Variants in MAF observed in about 807,000 individuals in gnomAD.
MAF encodes the protein transcription factor Maf.
In MAF, 10 loss-of-function variants were observed where a neutral mutation model predicts 22.0. The ratio of observed to expected loss-of-function variants is 0.45; its 90% confidence interval spans 0.28 to 0.77. MAF has a LOEUF of 0.77. Among genes scored for constraint, MAF ranks in the 30% least tolerant of loss-of-function variants. The pLI is 0.12. For synonymous variants in MAF, 337 were observed against 255.8 expected, an observed-to-expected ratio of 1.32 and a Z score of -3.03; for missense variants, 544 against 548.4, an observed-to-expected ratio of 0.99 and a Z score of 0.08.
chr16:79,438,069 C>A, the MAF span, among the ~76,000 whole-genome samples: 1 of 152,038 alleles, frequency 6.6e-6, no homozygotes, highest in Non-Finnish European at 1.5e-5. Context: ...CTTAGAGACG[C>A]CAGGTCTGAG....
At chr16:79,563,682 C>G in the MAF span, among the ~76,000 whole-genome samples, 1 of 151,762 alleles carries the variant, frequency 6.6e-6, no homozygotes, top group Non-Finnish European at 1.5e-5. Context: ...TAAAATGTGG[C>G]TTACATTATA....
chr16:79,568,397 TG>T, the MAF span, among the ~76,000 whole-genome samples: 3 of 152,144 alleles, frequency 2.0e-5, no homozygotes, highest in Non-Finnish European at 2.9e-5. Context: ...ATCTGGAAAA[TG>T]GGAAGGCCTG....
the MAF span, among the ~76,000 whole-genome samples, chr16:79,493,713 C>A: frequency 2.0e-5 from 3 of 152,228 alleles, no homozygotes; most frequent in Non-Finnish European, 2.9e-5. Flanking sequence ...GAGCTAATGA[C>A]AGCCACCTCA....
At chr16:79,540,733 A>G in the MAF span, among the ~76,000 whole-genome samples, 1 of 152,240 alleles carries the variant, frequency 6.6e-6, no homozygotes, top group East Asian at 1.9e-4. Context: ...GGCTGGAAAT[A>G]AACAATTCAG....
chr16:79,394,835 G>A, the MAF span, among the ~76,000 whole-genome samples: 1 of 152,058 alleles, frequency 6.6e-6, no homozygotes, highest in Admixed American at 6.5e-5. Context: ...CTGAGTTTGG[G>A]AACCACTGTC....
the MAF span, among the ~76,000 whole-genome samples, chr16:79,402,556 G>A: frequency 6.6e-6 from 1 of 152,224 alleles, no homozygotes; most frequent in East Asian, 1.9e-4. Context: ...GGTGGGGCCT[G>A]GCCTACCTCC....
the MAF span, among the ~76,000 whole-genome samples, chr16:79,234,709 C>T: frequency 6.6e-6 from 1 of 152,036 alleles, no homozygotes; most frequent in African/African-American, 2.4e-5. Context: ...TTTAGATCAT[C>T]CAGGAAAGGG....
At chr16:79,543,988 G>A in the MAF span, among the ~76,000 whole-genome samples, 8 of 151,988 alleles carry the variant, frequency 5.3e-5, no homozygotes, top group Non-Finnish European at 1.2e-4. Context: ...ACCTGGCCCA[G>A]GCCCTCTTTT....
the MAF span, among the ~76,000 whole-genome samples, chr16:79,528,046 G>A: frequency 6.6e-6 from 1 of 152,122 alleles, no homozygotes; most frequent in African/African-American, 2.4e-5. Context: ...AGGAGGCTGA[G>A]CAGGAGAATC....
chr16:79,410,899 C>A, the MAF span, among the ~76,000 whole-genome samples: 180 of 152,274 alleles, frequency 1.2e-3, 1 homozygote, highest in Non-Finnish European at 1.6e-4. Flanking sequence ...GAGGTGGATA[C>A]CTGACAATGA....
the MAF span, among the ~76,000 whole-genome samples, chr16:79,231,655 T>C: frequency 7.2e-5 from 11 of 152,048 alleles, no homozygotes; most frequent in Non-Finnish European, 1.5e-4. Context: ...ATTACAAAGG[T>C]GTTAAGATAA....
the MAF span, among the ~76,000 whole-genome samples, chr16:79,484,292 G>C: frequency 1.3e-5 from 2 of 152,160 alleles, no homozygotes; most frequent in African/African-American, 4.8e-5. Flanking sequence ...GCGTGACAAG[G>C]CTGGTGTGAC....
the MAF span, among the ~76,000 whole-genome samples, chr16:79,521,176 C>A: frequency 6.6e-6 from 1 of 152,188 alleles, no homozygotes; most frequent in Non-Finnish European, 1.5e-5. Context: ...ATCTTATGCT[C>A]AAGTGACTGG....
At chr16:79,277,440 T>C in the MAF span, among the ~76,000 whole-genome samples, 1 of 152,264 alleles carries the variant, frequency 6.6e-6, no homozygotes, top group South Asian at 2.1e-4. Context: ...AATTGCTGCA[T>C]CTGTAGGCTA....
chr16:79,590,171 TG>T (rs1157823061), downstream of MAF, among the ~76,000 whole-genome samples: 1 of 149,236 alleles, frequency 6.7e-6, no homozygotes, highest in Admixed American at 6.6e-5. Context: ...CATAAAGGAC[TG>T]GGATGCGGTG....
At chr16:79,335,592 T>C in the MAF span, among the ~76,000 whole-genome samples, 74 of 152,054 alleles carry the variant, frequency 4.9e-4, no homozygotes, top group Non-Finnish European at 8.5e-4. Context: ...ACAGAAAGTC[T>C]GTGAGACAGA....
the MAF span, among the ~76,000 whole-genome samples, chr16:79,439,528 G>A: frequency 3.8e-4 from 58 of 152,148 alleles, no homozygotes; most frequent in East Asian, 9.7e-3. Flanking sequence ...CCAAAGTGCC[G>A]GGATTACAGG....
the MAF span, among the ~76,000 whole-genome samples, chr16:79,552,846 A>G: frequency 6.6e-6 from 1 of 152,226 alleles, no homozygotes; most frequent in South Asian, 2.1e-4. Flanking sequence ...GTAAATGTTG[A>G]CACATGAGAG....
the MAF span, among the ~76,000 whole-genome samples, chr16:79,329,368 A>C: frequency 6.6e-6 from 1 of 152,150 alleles, no homozygotes; most frequent in Non-Finnish European, 1.5e-5. Context: ...TTGCTTCCAG[A>C]AAGCTTTATA....
Sources: gnomAD v4.1 joint callset for allele counts (sites outside exome capture counted in the v4.1 genomes callset) on GRCh38, gnomAD v4.1.1 for gene constraint, MANE v1.5 for transcripts, NCBI Gene and HGNC (gene_info 2026-07-23, HGNC 2026-07-21) for gene names.